Variants in COL19A1 observed in about 807,000 individuals in gnomAD.
The protein encoded by COL19A1 is collagen alpha-1(XIX) chain.
In COL19A1, 159 loss-of-function variants were observed where a neutral mutation model predicts 190.2. The observed-to-expected ratio is 0.84, with a 90% CI of 0.73 to 0.95. COL19A1 has a LOEUF of 0.95. COL19A1 is among the 40% of genes least tolerant of loss of function. COL19A1 has a pLI of 0.00. For missense variants in COL19A1, 1,418 were observed against 1,431.9 expected, an observed-to-expected ratio of 0.99 and a Z score of 0.16; for synonymous variants, 509 against 458.9, an observed-to-expected ratio of 1.11 and a Z score of -1.39.
intron 4 of COL19A1, among the ~76,000 whole-genome samples, chr6:69,924,259 C>G (rs1378859023): frequency 2.0e-5 from 3 of 152,026 alleles, no homozygotes; most frequent in Admixed American, 6.6e-5. Flanking sequence ...CCCTTCCCCC[C>G]ACCCCATGAC....
At chr6:70,123,430 C>G (rs972043079) in intron 17 of COL19A1, among the ~76,000 whole-genome samples, 3 of 151,608 alleles carry the variant, frequency 2.0e-5, no homozygotes, top group African/African-American at 7.3e-5. Flanking sequence ...ACTAGAAATA[C>G]CATTTGATCC....
intron 4 of COL19A1, among the ~76,000 whole-genome samples, chr6:69,913,852 A>G (rs1212600930): frequency 1.3e-5 from 2 of 152,136 alleles, no homozygotes; most frequent in Non-Finnish European, 2.9e-5. Flanking sequence ...AATTAGGTCT[A>G]GGACCTCCCA....
chr6:69,986,102 A>AGT (rs1776296725), intron 11 of COL19A1, among the ~76,000 whole-genome samples: 1 of 152,010 alleles, frequency 6.6e-6, no homozygotes, highest in African/African-American at 2.4e-5. Flanking sequence ...CAGTCTACAA[A>AGT]GTCAGGAAGA....
chr6:70,029,776 C>G (rs1393218135), intron 12 of COL19A1, among the ~76,000 whole-genome samples: 1 of 152,088 alleles, frequency 6.6e-6, no homozygotes, highest in East Asian at 1.9e-4. Context: ...TGCATTTTAT[C>G]CTATGTGAGT....
chr6:70,178,526 G>A (rs1048474661), intron 42 of COL19A1, among the ~76,000 whole-genome samples: 1 of 152,146 alleles, frequency 6.6e-6, no homozygotes, highest in Non-Finnish European at 1.5e-5. Context: ...ATAGTTAAAA[G>A]AATCTAGAAA....
intron 15 of COL19A1, among the ~76,000 whole-genome samples, chr6:70,083,020 C>T (rs543356576): frequency 3.3e-5 from 5 of 152,182 alleles, no homozygotes; most frequent in Admixed American, 1.3e-4. Flanking sequence ...CTGTGCAGCC[C>T]GGTTCCTAAC....
chr6:70,148,643 G>C (rs1786828446), intron 27 of COL19A1, among the ~76,000 whole-genome samples: 1 of 152,066 alleles, frequency 6.6e-6, no homozygotes, highest in South Asian at 2.1e-4. Flanking sequence ...AAAATTATTA[G>C]AGGCTGGGCC....
chr6:70,030,768 C>A (rs562621180), intron 12 of COL19A1, among the ~76,000 whole-genome samples: 31 of 152,282 alleles, frequency 2.0e-4, no homozygotes, highest in African/African-American at 7.5e-4. Context: ...AAATGCAACT[C>A]AGCCTGGAGA....
intron 2 of COL19A1, 43 bp downstream of exon 2, chr6:69,879,701 T>C (rs750643435): frequency 6.4e-7 from 1 of 1,562,394 alleles, no homozygotes; most frequent in South Asian, 1.1e-5. Context: ...ATGTTATTTA[T>C]AGCCTTTAAG....
chr6:69,930,410 A>G (rs977451571), intron 6 of COL19A1, among the ~76,000 whole-genome samples: 6 of 152,160 alleles, frequency 3.9e-5, no homozygotes, highest in African/African-American at 1.4e-4. Context: ...ATGTATAAAC[A>G]GTTTATAGTT....
intron 15 of COL19A1, among the ~76,000 whole-genome samples, chr6:70,092,636 C>A (rs1031176811): frequency 6.6e-6 from 1 of 151,998 alleles, no homozygotes; most frequent in Non-Finnish European, 1.5e-5. Flanking sequence ...TTTATAGTTC[C>A]ACCTCACTGA....
At chr6:70,126,993 T>C (rs73469833) in intron 17 of COL19A1, among the ~76,000 whole-genome samples, 6,882 of 152,288 alleles carry the variant, frequency 0.045, 517 homozygotes, top group African/African-American at 0.16. Context: ...AACCACATGA[T>C]TAGAGATTAC....
intron 1 of COL19A1, among the ~76,000 whole-genome samples, chr6:69,877,748 T>G (rs1224171587): frequency 6.6e-6 from 1 of 152,052 alleles, no homozygotes; most frequent in Non-Finnish European, 1.5e-5. Context: ...AGGCTGGGCA[T>G]GGTGGCTCAT....
chr6:69,882,503 C>G (rs573552035), intron 2 of COL19A1, among the ~76,000 whole-genome samples: 51 of 152,254 alleles, frequency 3.3e-4, no homozygotes, highest in South Asian at 6.2e-4. Context: ...CTAATATAGA[C>G]TATGTATCAA....
chr6:70,051,126 A>G (rs1469740515), intron 14 of COL19A1, among the ~76,000 whole-genome samples: 3 of 152,134 alleles, frequency 2.0e-5, no homozygotes, highest in African/African-American at 2.4e-5. Flanking sequence ...CTTTAGCTGT[A>G]TACCATCTAA....
At chr6:70,196,231 G>A (rs1767187341) in intron 48 of COL19A1, among the ~76,000 whole-genome samples, 1 of 151,992 alleles carries the variant, frequency 6.6e-6, no homozygotes, top group Non-Finnish European at 1.5e-5. Flanking sequence ...ATTTAATTTT[G>A]GTTTCCACAT....
At chr6:70,020,167 A>G (rs1396531517) in intron 11 of COL19A1, among the ~76,000 whole-genome samples, 5 of 152,022 alleles carry the variant, frequency 3.3e-5, no homozygotes, top group Non-Finnish European at 7.4e-5. Flanking sequence ...CTCAACTACC[A>G]ATTGGACTAT....
intron 17 of COL19A1, among the ~76,000 whole-genome samples, chr6:70,127,694 G>A (rs1377262955): frequency 6.6e-6 from 1 of 152,196 alleles, no homozygotes; most frequent in African/African-American, 2.4e-5. Context: ...CATGGTGGCA[G>A]ACATCAGAAG....
intron 37 of COL19A1, among the ~76,000 whole-genome samples, chr6:70,166,949 T>C (rs905962533): frequency 1.1e-4 from 17 of 152,182 alleles, no homozygotes; most frequent in Non-Finnish European, 4.4e-5. Flanking sequence ...ACTTAAGATG[T>C]CTTTGTCTTC....
Sources: allele counts gnomAD v4.1 joint callset (sites outside exome capture counted in the v4.1 genomes callset), GRCh38; gene constraint gnomAD v4.1.1; transcripts MANE v1.5; gene names NCBI Gene and HGNC (gene_info 2026-07-23, HGNC 2026-07-21).